The following UBN2 variants were observed in gnomAD, a reference collection of about 807,000 sequenced individuals.
UBN2 encodes ubinuclein-2.
Under a neutral mutation model 120.2 loss-of-function variants are expected in UBN2, and 35 were observed. The ratio of observed to expected loss-of-function variants is 0.29; its 90% CI spans 0.22 to 0.39. UBN2 has a LOEUF of 0.39. UBN2 is among the 10% of genes least tolerant of loss of function. The pLI, the probability that UBN2 is intolerant of heterozygous loss-of-function variation, is 1.00. For missense variants in UBN2, 1,693 were observed against 1,663.2 expected, an observed-to-expected ratio of 1.02 and a Z score of -0.31; for synonymous variants, 661 against 648.7, an observed-to-expected ratio of 1.02 and a Z score of -0.29.
At chr7:139,247,586 C>T (rs1220035132) in intron 2 of UBN2, among the ~76,000 whole-genome samples, 1 of 152,130 alleles carries the variant, frequency 6.6e-6, no homozygotes, top group Non-Finnish European at 1.5e-5. Context: ...TCGTTTTCCC[C>T]ATTTGTCAAA....
At chr7:139,244,296 A>G (rs1796402117) in intron 2 of UBN2, among the ~76,000 whole-genome samples, 1 of 152,210 alleles carries the variant, frequency 6.6e-6, no homozygotes, top group South Asian at 2.1e-4. Context: ...GAATAGTTTG[A>G]TAGTTGAAAG....
chr7:139,231,464 C>T lies in UBN2; in HGVS notation c.-21C>T, dbSNP rs755022253. ...AAGCGAGCGCCGGCTCGAGCAAAAG[C>T]GGAGGGCCAGAACAGTGGGGATGGC... is the stretch of plus-strand genomic sequence containing the variant. On this transcript the variant is annotated 5_prime_UTR_variant, in exon 1 of 18. Coordinates refer to ENST00000473989, the MANE Select transcript of UBN2 (RefSeq NM_173569.4). The T allele has an allele frequency of 2.1e-5, 28 of 1,312,592 alleles. No individual in the cohort carries two copies. Among genetic ancestry groups the T allele is most frequent in the Non-Finnish European group, 2.7e-5 (28 of 1,024,500 alleles). The allele number at this position is 1,312,592 out of a possible 1,614,324, so 81.3% of individuals were successfully genotyped here. A position where few individuals can be genotyped will look rare whatever the true frequency, so the allele number is the denominator to read the frequency against.
At chr7:139,240,357 G>A (rs890362934) in intron 2 of UBN2, among the ~76,000 whole-genome samples, 1 of 149,436 alleles carries the variant, frequency 6.7e-6, no homozygotes, top group African/African-American at 2.5e-5. Flanking sequence ...AAACTCATGA[G>A]CCTAAGCAAT....
intron 6 of UBN2, among the ~76,000 whole-genome samples, chr7:139,262,354 C>T (rs747586436): frequency 9.2e-5 from 14 of 152,172 alleles, no homozygotes; most frequent in Non-Finnish European, 1.9e-4. Context: ...CCTGCTTTGA[C>T]CTCCCAAAGT....
At position 139,283,068 on chromosome 7, in the gene UBN2, G is replaced by A. The variant is rs61995684; in HGVS notation, c.2163G>A (p.Val721=). 0.052 allele frequency: 83,571 copies of A among 1,611,914 alleles called. 5,158 individuals are homozygous for A. Among genetic ancestry groups the A allele is most frequent in the Admixed American group, 0.3 (17,577 of 59,452 alleles). The change falls in exon 15 of 18, where the codon GTG becomes GTA. Residue 721 remains valine, a synonymous_variant. Coordinates refer to ENST00000473989, the MANE Select transcript of UBN2 (RefSeq NM_173569.4). ...ACCAGAAAACTCCAACATCCCTGGT[G>A]GCTTCGGTTAGCGGTCCTCCAACGA... The part of the protein sequence containing the change: ...KKDQKTPTSL[V]ASVSGPPTSS...
Position 139,231,565 on chromosome 7 carries a change from T to G in UBN2, c.81T>G (p.Arg27=). 7.1e-7 allele frequency: 1 copy of G among 1,410,360 alleles called. No homozygotes were observed. The highest frequency in any genetic ancestry group is 9.3e-7 in the Non-Finnish European group (1 of 1,073,038). 87.4% of individuals were successfully genotyped at this position (1,410,360 alleles called of 1,614,324 possible). ...RREAEYPGPE[R]EPEYPREPPR... is the part of the protein sequence containing the mutation. ...AGGCCGAGTACCCGGGGCCCGAGCG[T>G]GAGCCCGAGTACCCCCGCGAGCCCC... Residue 27 remains arginine (R), a synonymous_variant, in exon 1 of 18, where the codon CGT becomes CGG. Coordinates refer to ENST00000473989, the MANE Select transcript of UBN2 (RefSeq NM_173569.4).
In UBN2 at chr7:139,235,997, A is replaced by G. The variant is rs142530214; in HGVS notation, c.469-1008A>G. Among the ~76,000 whole-genome samples the G allele has an allele frequency of 4.6e-5, 7 of 152,312 alleles. No homozygotes were observed. The East Asian group carries it at 1.3e-3, about 29-fold the overall frequency. Reference sequence around the variant, plus strand: ...TTCAGGGTCCATTGAATCTGTATCAATATTTCAGTTGTAGTATACCTTCCT... The same window carrying G: ...TTCAGGGTCCATTGAATCTGTATCAGTATTTCAGTTGTAGTATACCTTCCT... On this transcript the variant is annotated intron_variant, in intron 1 of 17. Transcript: ENST00000473989.
intron 15 of UBN2, among the ~76,000 whole-genome samples, chr7:139,289,666 C>A (rs1585028282): frequency 6.6e-6 from 1 of 152,136 alleles, no homozygotes; most frequent in Non-Finnish European, 1.5e-5. Flanking sequence ...CCCAACTCAG[C>A]CTCCCAAAGT....
At chr7:139,256,052 C>T (rs1796756243) in intron 3 of UBN2, among the ~76,000 whole-genome samples, 1 of 152,130 alleles carries the variant, frequency 6.6e-6, no homozygotes, top group African/African-American at 2.4e-5. Context: ...TAAATCCAGG[C>T]CTTTTGATTC....
chr7:139,319,623 C>G, the UBN2 span, among the ~76,000 whole-genome samples: 2 of 152,180 alleles, frequency 1.3e-5, no homozygotes, highest in Non-Finnish European at 2.9e-5. Flanking sequence ...ATTCCAGCCT[C>G]TAGGCCACCA....
At chr7:139,259,422 C>T in intron 5 of UBN2, 52 bp downstream of exon 5, 2 of 1,597,936 alleles carry the variant, frequency 1.3e-6, no homozygotes, top group African/African-American at 2.7e-5. Context: ...CTGACTGTCT[C>T]TCCCTTTAGA....
chr7:139,261,246 TCA>T lies in UBN2; in HGVS notation c.906-3_906-2del. 3 of 1,594,066 alleles carry T rather than the reference TCA, an allele frequency of 1.9e-6. No individual in the cohort carries two copies. Among genetic ancestry groups the T allele is most frequent in the Non-Finnish European group, 2.6e-6 (3 of 1,172,580 alleles). On this transcript the variant is annotated splice_polypyrimidine_tract_variant and splice_region_variant and intron_variant, in intron 5 of 17. Transcript: ENST00000473989. ...ATAGCCTAACTGATCATTTTTGTCT[TCA>T]CAGAGTTGTGGCTCTAAATTCACAC...
intron 15 of UBN2, among the ~76,000 whole-genome samples, chr7:139,285,009 T>C (rs191973669): frequency 2.1e-3 from 326 of 152,364 alleles, no homozygotes; most frequent in Admixed American, 3.8e-3. Flanking sequence ...AATTTTCTTA[T>C]TTTTCAATCA....
intron 12 of UBN2, among the ~76,000 whole-genome samples, chr7:139,278,954 G>T (rs898745507): frequency 6.6e-6 from 1 of 151,146 alleles, no homozygotes; most frequent in African/African-American, 2.4e-5. Context: ...AAAGCTCAGG[G>T]TTTTTTTTGT....
At position 139,305,658 on chromosome 7, in the gene UBN2, C is replaced by T. The variant is rs1238636554; in HGVS notation, c.*7822C>T. ...CACTTTTCCAAACTGTTAAACAAGT[C>T]AGGAATGCTTTTCAGAATCGCAGTA... On this transcript the variant is annotated 3_prime_UTR_variant, in exon 18 of 18. Transcript: ENST00000473989. The T allele has an allele frequency of 6.6e-6, 1 of 152,134 alleles. No homozygotes were observed. The highest frequency in any genetic ancestry group is 1.5e-5 in the Non-Finnish European group (1 of 68,030). 9.4% of individuals were successfully genotyped at this position (152,134 alleles called of 1,614,324 possible). A position where few individuals can be genotyped will look rare whatever the true frequency, so the allele number is the denominator to read the frequency against.
chr7:139,232,291 C>T (rs1351805201), intron 1 of UBN2, among the ~76,000 whole-genome samples: 1 of 152,246 alleles, frequency 6.6e-6, no homozygotes, highest in Non-Finnish European at 1.5e-5. Flanking sequence ...GCCCTGCAGG[C>T]CGTGTGGCTG....
At chr7:139,317,654 T>C in the UBN2 span, among the ~76,000 whole-genome samples, 2 of 151,972 alleles carry the variant, frequency 1.3e-5, no homozygotes, top group Non-Finnish European at 2.9e-5. Flanking sequence ...CAGCTATTCT[T>C]GTTGTTTTGG....
In UBN2 at chr7:139,276,553, C is replaced by T. The variant is rs74698089; in HGVS notation, c.2024+406C>T. The T allele has an allele frequency of 3.8e-3, 689 of 179,500 alleles. 9 individuals carry two copies. The highest frequency in any genetic ancestry group is 0.021 in the East Asian group (126 of 6,130). 11.1% of individuals were successfully genotyped at this position (179,500 alleles called of 1,614,324 possible). On this transcript the variant is annotated intron_variant, in intron 12 of 17. Coordinates refer to ENST00000473989, the MANE Select transcript of UBN2 (RefSeq NM_173569.4). Reference sequence around the variant, plus strand: ...CGCTGCACTGCAGAGTGTTTTATTCCACAAAATTAACCTATTCTTGAGGTC... The same window carrying T: ...CGCTGCACTGCAGAGTGTTTTATTCTACAAAATTAACCTATTCTTGAGGTC...
intron 15 of UBN2, among the ~76,000 whole-genome samples, chr7:139,288,700 G>T (rs1007615099): frequency 1.3e-5 from 2 of 151,960 alleles, no homozygotes. Context: ...AGAGTATGTG[G>T]TTTAAAAAAA....
Sources: gnomAD v4.1 joint callset for allele counts (sites outside exome capture counted in the v4.1 genomes callset) on GRCh38, gnomAD v4.1.1 for gene constraint, MANE v1.5 for transcripts, NCBI Gene and HGNC (gene_info 2026-07-23, HGNC 2026-07-21) for gene names.